CYP2C18: variants seen among roughly 807,000 people sequenced by gnomAD.
CYP2C18 encodes the protein cytochrome P450 family 2 subfamily C member 18.
Under a neutral mutation model 41.3 loss-of-function variants are expected in CYP2C18, and 38 were observed. The ratio of observed to expected loss-of-function variants is 0.92; its 90% CI spans 0.71 to 1.21. The LOEUF (loss-of-function observed/expected upper bound fraction) is 1.21, where lower values mean the gene tolerates loss of function less well. Among genes scored for constraint, CYP2C18 ranks in the 50% most tolerant of loss-of-function variants. The pLI, the probability that CYP2C18 is intolerant of heterozygous loss-of-function variation, is 0.00. For missense variants in CYP2C18, 635 were observed against 591.4 expected, an observed-to-expected ratio of 1.07 and a Z score of -0.77; for synonymous variants, 236 against 210.0, an observed-to-expected ratio of 1.12 and a Z score of -1.07.
chr10:94,696,742 G>C (rs540940027), intron 4 of CYP2C18, among the ~76,000 whole-genome samples: 110 of 152,230 alleles, frequency 7.2e-4, no homozygotes, highest in African/African-American at 2.4e-3. Context: ...AAAAAAATTA[G>C]ATGAATGGCT....
intron 5 of CYP2C18, among the ~76,000 whole-genome samples, chr10:94,717,384 C>G (rs757239389): frequency 6.6e-6 from 1 of 152,062 alleles, no homozygotes; most frequent in East Asian, 1.9e-4. Context: ...ATGGTGGTGA[C>G]AAAATCTCTC....
chr10:94,690,454 G>A (rs1294817093), intron 3 of CYP2C18, among the ~76,000 whole-genome samples: 5 of 152,064 alleles, frequency 3.3e-5, no homozygotes, highest in Admixed American at 6.6e-5. Context: ...TAAATTTCTC[G>A]ACACATACAC....
intron 4 of CYP2C18, among the ~76,000 whole-genome samples, chr10:94,706,569 T>A (rs994087567): frequency 1.3e-4 from 20 of 152,124 alleles, no homozygotes; most frequent in Non-Finnish European, 2.2e-4. Flanking sequence ...AATATATGAG[T>A]ATAGAAAATT....
rs1395609313 is a variant in CYP2C18, at chr10:94,733,161, C to T, written c.1150-136C>T. ...TCATACTGCTTCTTACTAGGTCTGT[C>T]TGGGTGGGAATGTAACTTCTTTGGA... On this transcript the variant is annotated intron_variant, in intron 7 of 8. Transcript: ENST00000285979. 4 of 798,108 alleles carry T rather than the reference C, an allele frequency of 5.0e-6. No individual in the cohort carries two copies. The African/African-American group carries it at 7.0e-5, about 14-fold the overall frequency. The allele number at this position is 798,108 out of a possible 1,614,324, so 49.4% of individuals were successfully genotyped here.
chr10:94,690,280 G>T (rs1055051215), intron 3 of CYP2C18, among the ~76,000 whole-genome samples: 1 of 152,080 alleles, frequency 6.6e-6, no homozygotes, highest in East Asian at 1.9e-4. Flanking sequence ...TAATGAGTCT[G>T]GTTTTCAGCT....
At chr10:94,717,166 A>G (rs76033193) in intron 5 of CYP2C18, among the ~76,000 whole-genome samples, 1 of 152,130 alleles carries the variant, frequency 6.6e-6, no homozygotes, top group African/African-American at 2.4e-5. Flanking sequence ...TAATCAGTGC[A>G]TTTAGTCCAT....
Position 94,735,375 on chromosome 10 carries a change from C to T in CYP2C18, c.1404C>T (p.Asp468=), listed in dbSNP as rs1291331281. The T allele has an allele frequency of 1.2e-6, 2 of 1,613,646 alleles. No homozygotes were observed. Reference sequence around the variant, plus strand: ...CTCAGGTTGACCCAAAGGATATTGACATCACCCCCATTGCCAATGCATTTG... The same window carrying T: ...CTCAGGTTGACCCAAAGGATATTGATATCACCCCCATTGCCAATGCATTTG... ...LKSQVDPKDI[D]ITPIANAFGR... Residue 468 remains aspartate (D), a synonymous_variant, in exon 9 of 9, where the codon GAC becomes GAT. Coordinates refer to ENST00000285979, the MANE Select transcript of CYP2C18 (RefSeq NM_000772.3).
intron 7 of CYP2C18, among the ~76,000 whole-genome samples, chr10:94,729,324 T>C (rs1307418183): frequency 6.6e-6 from 1 of 152,158 alleles, no homozygotes; most frequent in Non-Finnish European, 1.5e-5. Context: ...TTAAAATACC[T>C]GGCCACAGGT....
intron 3 of CYP2C18, among the ~76,000 whole-genome samples, chr10:94,693,295 A>G (rs1329399532): frequency 6.6e-6 from 1 of 152,092 alleles, no homozygotes; most frequent in Non-Finnish European, 1.5e-5. Context: ...GTGAGTTTTC[A>G]TGAAATCTAA....
intron 3 of CYP2C18, among the ~76,000 whole-genome samples, chr10:94,693,407 C>T (rs1423955885): frequency 6.6e-6 from 1 of 152,162 alleles, no homozygotes; most frequent in Non-Finnish European, 1.5e-5. Context: ...GCTTCCTGTA[C>T]AGCCTGCAGA....
At chr10:94,730,927 A>G (rs1384928292) in intron 7 of CYP2C18, among the ~76,000 whole-genome samples, 6 of 152,310 alleles carry the variant, frequency 3.9e-5, no homozygotes, top group South Asian at 4.1e-4. Context: ...CCCATTTACA[A>G]TAGCCACAAA....
At chr10:94,734,619 A>C (rs921661510) in intron 8 of CYP2C18, among the ~76,000 whole-genome samples, 23 of 152,254 alleles carry the variant, frequency 1.5e-4, no homozygotes, top group South Asian at 8.3e-4. Flanking sequence ...AGCAAGAGAT[A>C]AAGCTTGAAA....
intron 4 of CYP2C18, among the ~76,000 whole-genome samples, chr10:94,701,261 C>T (rs1847238043): frequency 6.6e-6 from 1 of 152,104 alleles, no homozygotes; most frequent in Non-Finnish European, 1.5e-5. Flanking sequence ...AAATATGGCA[C>T]ATATACACCA....
At chr10:94,692,578 G>T (rs975833379) in intron 3 of CYP2C18, among the ~76,000 whole-genome samples, 8 of 152,210 alleles carry the variant, frequency 5.3e-5, no homozygotes, top group Non-Finnish European at 1.2e-4. Flanking sequence ...TGGTGGGACT[G>T]TAAACTAGTT....
At chr10:94,714,105 A>C (rs1332388231) in intron 5 of CYP2C18, among the ~76,000 whole-genome samples, 4 of 152,074 alleles carry the variant, frequency 2.6e-5, no homozygotes, top group Admixed American at 1.3e-4. Context: ...AGATTGCAAA[A>C]ATTTTCTCTC....
intron 4 of CYP2C18, among the ~76,000 whole-genome samples, chr10:94,703,545 C>T (rs534555677): frequency 7.2e-4 from 110 of 152,086 alleles, no homozygotes; most frequent in Non-Finnish European, 1.3e-3. Flanking sequence ...AGGGGAAAAC[C>T]GCCTACTCAC....
intron 4 of CYP2C18, among the ~76,000 whole-genome samples, chr10:94,700,903 A>G (rs1847227664): frequency 6.6e-6 from 1 of 152,234 alleles, no homozygotes; most frequent in Non-Finnish European, 1.5e-5. Flanking sequence ...AGAAATGCAA[A>G]TCAAACCACA....
chr10:94,707,078 G>T, intron 5 of CYP2C18, 118 bp downstream of exon 5: 1 of 670,842 alleles, frequency 1.5e-6, no homozygotes. Context: ...CATGTGTATA[G>T]ATCTGGATGA....
chr10:94,695,246 A>G (rs1452581382), intron 4 of CYP2C18, among the ~76,000 whole-genome samples, 169 bp downstream of exon 4: 1 of 152,058 alleles, frequency 6.6e-6, no homozygotes, highest in Non-Finnish European at 1.5e-5. Flanking sequence ...GCACCCATTA[A>G]CCCGTCATCT....
Sources: gnomAD v4.1 joint callset for allele counts (sites outside exome capture counted in the v4.1 genomes callset) on GRCh38, gnomAD v4.1.1 for gene constraint, MANE v1.5 for transcripts, NCBI Gene and HGNC (gene_info 2026-07-23, HGNC 2026-07-21) for gene names.